PWWP2A: variants seen among roughly 807,000 people sequenced by gnomAD.
PWWP2A encodes the protein PWWP domain-containing protein 2A.
Under a neutral mutation model 48.5 loss-of-function variants are expected in PWWP2A, and 18 were observed. That is an observed-to-expected ratio of 0.37 (90% CI 0.26 to 0.55). The LOEUF (loss-of-function observed/expected upper bound fraction) is 0.55, where lower values mean the gene tolerates loss of function less well. Ranked by LOEUF, PWWP2A falls within the 20% of genes least tolerant of loss-of-function variation. The pLI is 0.81. For missense variants in PWWP2A, 867 were observed against 976.4 expected (o/e 0.89, Z 1.49); for synonymous variants, 396 against 387.7 (o/e 1.02, Z -0.25).
chr5:160,071,390 C>T (rs183499245), downstream of PWWP2A, among the ~76,000 whole-genome samples: 32 of 152,178 alleles, frequency 2.1e-4, 1 homozygote, highest in Admixed American at 1.8e-3. Context: ...TGGCGGCAGG[C>T]GGCAGATGTA....
chr5:160,114,458 C>CAAAA (rs200615381), intron 1 of PWWP2A, among the ~76,000 whole-genome samples: 1 of 130,404 alleles, frequency 7.7e-6, no homozygotes, highest in African/African-American at 2.9e-5. Context: ...GAGACTGTCT[C>CAAAA]AAAAAAAAGA....
chr5:160,119,199 C>T lies in PWWP2A; in HGVS notation c.190G>A (p.Asp64Asn). ...GGTGGCGGCGGGAGCGGCGGCTCGT[C>T]GGCCTGAGGAGCGGATTGCTGCCCG... ...TDGQQSAPQA[D>N]EPPLPPPPPP... Residue 64 changes from aspartate to asparagine, a missense_variant, in exon 1 of 2, where the codon GAC becomes AAC. Transcript: ENST00000307063. 2 of 1,459,546 alleles carry T rather than the reference C, an allele frequency of 1.4e-6. No homozygotes were observed. The highest frequency in any genetic ancestry group is 2.9e-5 in the Admixed American group (1 of 34,972). The allele number at this position is 1,459,546 out of a possible 1,614,324, so 90.4% of individuals were successfully genotyped here.
At chr5:160,087,248 G>A (rs1754709698), downstream of PWWP2A, among the ~76,000 whole-genome samples, 2 of 152,058 alleles carry the variant, frequency 1.3e-5, no homozygotes, top group South Asian at 4.2e-4. Flanking sequence ...CAGGCATGGT[G>A]ACATACACCA....
chr5:160,118,510 G>A (rs1376006398), intron 1 of PWWP2A, among the ~76,000 whole-genome samples: 1 of 148,732 alleles, frequency 6.7e-6, no homozygotes, highest in Non-Finnish European at 1.5e-5. Context: ...GGTGACTCCA[G>A]GCCAAGTCGC....
intron 2 of PWWP2A, among the ~76,000 whole-genome samples, chr5:160,083,671 AGGGTTC>A (rs1236579220): frequency 6.6e-6 from 1 of 152,156 alleles, no homozygotes; most frequent in Non-Finnish European, 1.5e-5. Context: ...TGTCATGGAA[AGGGTTC>A]GGGATGTGTG....
intron 1 of PWWP2A, among the ~76,000 whole-genome samples, chr5:160,109,777 AT>A (rs1561698529): frequency 5.5e-4 from 18 of 32,550 alleles, no homozygotes; most frequent in African/African-American, 1.8e-3. Flanking sequence ...AAAAAAAAAT[AT>A]ATATATATAT....
At chr5:160,065,335 C>T (rs1441125096) in intron 4 of PWWP2A, 4 of 573,078 alleles carry the variant, frequency 7.0e-6, no homozygotes, top group African/African-American at 1.8e-5. Flanking sequence ...GGAAGAAGCC[C>T]ATTTGTTGAG....
intron 3 of PWWP2A, chr5:160,066,645 T>TA (rs1197571491): frequency 2.0e-5 from 3 of 152,122 alleles, no homozygotes; most frequent in Non-Finnish European, 4.4e-5. Context: ...CATTTCCATT[T>TA]ATGTGCATTC....
downstream of PWWP2A, among the ~76,000 whole-genome samples, chr5:160,075,342 T>C (rs1412549646): frequency 6.6e-6 from 1 of 152,180 alleles, no homozygotes; most frequent in Non-Finnish European, 1.5e-5. Flanking sequence ...AGCCAAAGGA[T>C]TGCTTTTCTT....
chr5:160,118,673 C>T, intron 1 of PWWP2A, 132 bp downstream of exon 1: 1 of 933,392 alleles, frequency 1.1e-6, no homozygotes, highest in Non-Finnish European at 1.4e-6. Flanking sequence ...GCGCGCGCCA[C>T]GCGCCGCGCA....
Position 160,118,961 on chromosome 5 carries a change from A to G in PWWP2A, c.428T>C (p.Leu143Pro). ...GGAGTCCCCGCCCGCCGGCGGCACG[A>G]GCGCCGGGGCTACGGGCTGAGGCAG... ...PPLPQPVAPA[L>P]VPPAGGDSTV... Residue 143 changes from leucine (L) to proline (P), a missense_variant, in exon 1 of 2, where the codon CTC becomes CCC. Coordinates refer to ENST00000307063, the MANE Select transcript of PWWP2A (RefSeq NM_001130864.2). 6.3e-7 allele frequency: 1 copy of G among 1,598,192 alleles called. No individual in the cohort carries two copies. The highest frequency in any genetic ancestry group is 2.3e-5 in the East Asian group (1 of 43,018).
At chr5:160,082,976 A>G (rs1754353769) in intron 2 of PWWP2A, among the ~76,000 whole-genome samples, 3 of 152,126 alleles carry the variant, frequency 2.0e-5, no homozygotes, top group Admixed American at 2.0e-4. Flanking sequence ...CGAAAGAAGT[A>G]GAGTTTATGC....
In PWWP2A at chr5:160,119,336, C is replaced by T; in HGVS notation, c.53G>A (p.Gly18Glu). 7.2e-7 allele frequency: 1 copy of T among 1,390,212 alleles called. No individual in the cohort carries two copies. The highest frequency in any genetic ancestry group is 9.3e-7 in the Non-Finnish European group (1 of 1,078,612). 86.1% of individuals were successfully genotyped at this position (1,390,212 alleles called of 1,614,324 possible). A position where few individuals can be genotyped will look rare whatever the true frequency, so the allele number is the denominator to read the frequency against. Residue 18 changes from glycine (G) to glutamate (E), a missense_variant, in exon 1 of 2, where the codon GGG (glycine) becomes GAG (glutamate). Physicochemically the swap from Gly to Glu is moderately conservative, Grantham distance 98 (BLOSUM62 -2). Around this residue, in one of 4 missense-constraint regions of PWWP2A, gnomAD observed 385 missense variants for 396.9 expected, o/e 0.97. Transcript: ENST00000307063. ...AAATAASPGE[G>E]GAGEAEPEME... The stretch of plus-strand genomic sequence containing the variant: ...CTCCGGCTCGGCCTCGCCGGCGCCC[C>T]CCTCCCCGGGGGACGCTGCAGTCGC...
In PWWP2A at chr5:160,119,044, A is replaced by C. The variant is rs1225616208; in HGVS notation, c.345T>G (p.Pro115=). ...AAPQGGPELP[P]SPASPPEQPP... ...GCTGCTCCGGCGGCGATGCAGGAGAAGGTGGAAGTTCCGGCCCTCCCTGAG... is the reference window on the plus strand; with the variant it reads ...GCTGCTCCGGCGGCGATGCAGGAGACGGTGGAAGTTCCGGCCCTCCCTGAG... The change falls in exon 1 of 2, where the codon CCT becomes CCG. Residue 115 remains proline, a synonymous_variant. Transcript: ENST00000307063. 43 of 1,594,846 alleles carry C rather than the reference A, an allele frequency of 2.7e-5. No individual in the cohort carries two copies. Among genetic ancestry groups the C allele is most frequent in the Non-Finnish European group, 3.4e-5 (40 of 1,176,508 alleles).
chr5:160,073,223 A>C (rs1753786048), downstream of PWWP2A, among the ~76,000 whole-genome samples: 3 of 111,706 alleles, frequency 2.7e-5, no homozygotes, highest in Admixed American at 2.8e-4. Context: ...TAGTATAAAA[A>C]CATTTCTTTT....
chr5:160,073,717 C>T (rs998650997), downstream of PWWP2A, among the ~76,000 whole-genome samples: 2 of 152,158 alleles, frequency 1.3e-5, no homozygotes, highest in African/African-American at 4.8e-5. Flanking sequence ...CTCTCCTTTA[C>T]CCCAAGCTCA....
chr5:160,062,553 A>T (rs941620745), intron 5 of PWWP2A, among the ~76,000 whole-genome samples: 2 of 152,190 alleles, frequency 1.3e-5, no homozygotes, highest in African/African-American at 2.4e-5. Flanking sequence ...TACATGATAG[A>T]TGCCAAGTAA....
chr5:160,049,360 T>G, the PWWP2A span, among the ~76,000 whole-genome samples: 1 of 152,182 alleles, frequency 6.6e-6, no homozygotes, highest in South Asian at 2.1e-4. Context: ...TATCTTGCTC[T>G]TTATAGAAAA....
chr5:160,093,600 A>G lies in PWWP2A; in HGVS notation c.1050T>C (p.Asp350=), dbSNP rs1755309608. ...SSATDSSKYE[D]KKRRNESVTT... Reference sequence around the variant, plus strand: ...TTACACTTTCATTTCTCCGTTTTTTATCTTCATATTTAGAAGAGTCAGTTG... The same window carrying G: ...TTACACTTTCATTTCTCCGTTTTTTGTCTTCATATTTAGAAGAGTCAGTTG... The change falls in exon 2 of 2, where the codon GAT becomes GAC. Residue 350 remains aspartate (D), a synonymous_variant. Coordinates refer to ENST00000307063, the MANE Select transcript of PWWP2A (RefSeq NM_001130864.2). This position sits in a 1 kb window ranked among gnomAD's most constrained non-coding sequence, Gnocchi z 5.8. The G allele has an allele frequency of 1.2e-6, 2 of 1,613,262 alleles. No homozygotes were observed. Among genetic ancestry groups the G allele is most frequent in the Admixed American group, 1.7e-5 (1 of 59,860 alleles).
Sources: gnomAD v4.1 joint callset for allele counts (sites outside exome capture counted in the v4.1 genomes callset) on GRCh38, gnomAD v4.1.1 for gene constraint, gnomAD v4.1.1 regional missense constraint, Gnocchi (gnomAD v3.1) non-coding constraint, MANE v1.5 for transcripts, NCBI Gene and HGNC (gene_info 2026-07-23, HGNC 2026-07-21) for gene names.